GNA12: variants seen among roughly 807,000 people sequenced by gnomAD.
GNA12 encodes the protein G protein subunit alpha 12, also known as guanine nucleotide-binding protein subunit alpha-12.
Under a neutral mutation model 26.0 loss-of-function variants are expected in GNA12, and 9 were observed. The observed-to-expected ratio is 0.35, with a 90% confidence interval of 0.21 to 0.60. The LOEUF (loss-of-function observed/expected upper bound fraction) is 0.60, where lower values mean the gene tolerates loss of function less well. Ranked by LOEUF, GNA12 falls within the 20% of genes least tolerant of loss-of-function variation. The probability of loss-of-function intolerance (pLI) is 0.78; values close to 1 mark genes in which losing one functional copy is unlikely to be tolerated. For synonymous variants in GNA12, 264 were observed against 219.6 expected, an observed-to-expected ratio of 1.20 and a Z score of -1.79; for missense variants, 405 against 525.8, an observed-to-expected ratio of 0.77 and a Z score of 2.25.
intron 2 of GNA12, among the ~76,000 whole-genome samples, chr7:2,777,100 C>T (rs1045796221): frequency 1.1e-4 from 16 of 152,276 alleles, no homozygotes; most frequent in Admixed American, 9.2e-4. Flanking sequence ...ACCTGTGTAG[C>T]CCTACCCTAT....
intron 1 of GNA12, among the ~76,000 whole-genome samples, chr7:2,835,172 C>T (rs1778799329): frequency 6.6e-6 from 1 of 152,148 alleles, no homozygotes; most frequent in South Asian, 2.1e-4. Flanking sequence ...TTTAACGCAT[C>T]ACACATAAGT....
At chr7:2,762,374 G>A (rs1381241334) in intron 2 of GNA12, 3 of 439,352 alleles carry the variant, frequency 6.8e-6, no homozygotes, top group African/African-American at 2.0e-5. Flanking sequence ...GACACGGTAT[G>A]GCGGTTCCCA....
intron 2 of GNA12, among the ~76,000 whole-genome samples, chr7:2,736,706 C>A (rs1213015936): frequency 6.6e-6 from 1 of 152,218 alleles, no homozygotes; most frequent in Non-Finnish European, 1.5e-5. Flanking sequence ...TCTGGAAGCA[C>A]CTGTCACCCA....
chr7:2,734,745 A>C (rs181174022), intron 2 of GNA12, among the ~76,000 whole-genome samples: 2 of 152,298 alleles, frequency 1.3e-5, no homozygotes, highest in African/African-American at 4.8e-5. Context: ...GGACAGAAAC[A>C]CACGTCTCCC....
intron 1 of GNA12, among the ~76,000 whole-genome samples, chr7:2,817,624 CTG>C (rs1793247167): frequency 6.6e-6 from 1 of 152,218 alleles, no homozygotes; most frequent in Non-Finnish European, 1.5e-5. Flanking sequence ...AACATGGACT[CTG>C]ACTTTTGGCC....
chr7:2,776,253 C>T (rs1472118170), intron 2 of GNA12, among the ~76,000 whole-genome samples: 1 of 152,132 alleles, frequency 6.6e-6, no homozygotes, highest in Non-Finnish European at 1.5e-5. Flanking sequence ...GGGTCTTAAC[C>T]AGAGTGAACA....
Position 2,748,162 on chromosome 7 carries a change from T to G in GNA12, c.526-14661A>C, listed in dbSNP as rs1790858525. 2.0e-5 allele frequency among the ~76,000 whole-genome samples: 3 copies of G among 150,604 alleles called. No individual in the cohort carries two copies. In the South Asian group the frequency reaches 6.4e-4, roughly 32 times the overall value. ...TTCACAGAATTGGAAAAAACTACTT[T>G]AAAGTTCATATGGAACCAAAAAAGA... On this transcript the variant is annotated intron_variant, in intron 2 of 3. Coordinates refer to ENST00000275364, the MANE Select transcript of GNA12 (RefSeq NM_007353.3).
chr7:2,752,636 T>C (rs1157529974), intron 2 of GNA12, among the ~76,000 whole-genome samples: 3 of 152,200 alleles, frequency 2.0e-5, no homozygotes, highest in African/African-American at 4.8e-5. Flanking sequence ...AAAAATCAAG[T>C]ATATGTTTTA....
At chr7:2,831,305 A>G (rs111978651) in intron 1 of GNA12, among the ~76,000 whole-genome samples, 7 of 149,094 alleles carry the variant, frequency 4.7e-5, no homozygotes, top group African/African-American at 1.2e-4. Flanking sequence ...TACTTTTAAC[A>G]GAGTTTTCGA....
intron 1 of GNA12, among the ~76,000 whole-genome samples, chr7:2,823,529 A>T (rs1404388136): frequency 6.6e-6 from 1 of 152,202 alleles, no homozygotes; most frequent in Admixed American, 6.5e-5. Flanking sequence ...CCCTCTGCAG[A>T]TTTAGAAAAA....
intron 2 of GNA12, among the ~76,000 whole-genome samples, chr7:2,740,775 T>C (rs1790458682): frequency 6.6e-6 from 1 of 152,174 alleles, no homozygotes; most frequent in African/African-American, 2.4e-5. Flanking sequence ...CTCGCCGCGG[T>C]GACTCATGCC....
intron 2 of GNA12, among the ~76,000 whole-genome samples, chr7:2,754,731 A>C (rs1791209560): frequency 6.6e-6 from 1 of 152,204 alleles, no homozygotes; most frequent in Non-Finnish European, 1.5e-5. Context: ...TCCGAGCAAC[A>C]GAGTGAGACC....
At chr7:2,819,953 C>T (rs1793313165) in intron 1 of GNA12, among the ~76,000 whole-genome samples, 1 of 152,112 alleles carries the variant, frequency 6.6e-6, no homozygotes, top group Non-Finnish European at 1.5e-5. Context: ...ATTCATAACA[C>T]ACAAAAGATG....
At chr7:2,813,502 G>T (rs74331362) in intron 1 of GNA12, among the ~76,000 whole-genome samples, 3 of 152,150 alleles carry the variant, frequency 2.0e-5, no homozygotes, top group Admixed American at 1.3e-4. Flanking sequence ...AGCGCTCCTT[G>T]CAGGAAGCCA....
intron 1 of GNA12, among the ~76,000 whole-genome samples, chr7:2,803,792 CCAAAACAAAA>C (rs372828318): frequency 8.7e-5 from 13 of 149,488 alleles, no homozygotes; most frequent in Admixed American, 8.0e-4. Context: ...TCCTAAAAGT[CCAAAACAAAA>C]CAAAACAAAA....
intron 2 of GNA12, among the ~76,000 whole-genome samples, chr7:2,774,440 G>A (rs1247784397): frequency 6.6e-6 from 1 of 152,164 alleles, no homozygotes; most frequent in Non-Finnish European, 1.5e-5. Context: ...AGGAGGAAGT[G>A]CATTCCAGGC....
chr7:2,755,214 T>C (rs947894751), intron 2 of GNA12, among the ~76,000 whole-genome samples: 2 of 152,212 alleles, frequency 1.3e-5, no homozygotes, highest in East Asian at 3.8e-4. Context: ...CCTCCCACTT[T>C]ATTCTTTTTC....
chr7:2,831,489 C>T (rs1413481385), intron 1 of GNA12, among the ~76,000 whole-genome samples: 1 of 149,512 alleles, frequency 6.7e-6, no homozygotes, highest in Non-Finnish European at 1.5e-5. Context: ...CTGCAAACTA[C>T]ACCTCCCGGG....
intron 2 of GNA12, among the ~76,000 whole-genome samples, chr7:2,791,753 G>A (rs1233064152): frequency 2.0e-5 from 3 of 152,176 alleles, no homozygotes; most frequent in African/African-American, 4.8e-5. Context: ...CCCTGGTAAC[G>A]GTGACTTCAG....
Sources: gnomAD v4.1 joint callset for allele counts (sites outside exome capture counted in the v4.1 genomes callset) on GRCh38, gnomAD v4.1.1 for gene constraint, MANE v1.5 for transcripts, NCBI Gene and HGNC (gene_info 2026-07-23, HGNC 2026-07-21) for gene names.